UBE2K: variants seen among roughly 807,000 people sequenced by gnomAD.
UBE2K encodes the protein ubiquitin conjugating enzyme E2 K.
UBE2K carries 6 observed loss-of-function variants against 30.0 expected under a neutral mutation model. The observed-to-expected ratio is 0.20, with a 90% confidence interval of 0.11 to 0.39. UBE2K has a LOEUF of 0.39. Among genes scored for constraint, UBE2K ranks in the 10% least tolerant of loss-of-function variants. UBE2K has a pLI of 1.00. For missense variants in UBE2K, 61 were observed against 241.6 expected, an observed-to-expected ratio of 0.25 and a Z score of 4.96; for synonymous variants, 86 against 83.7, an observed-to-expected ratio of 1.03 and a Z score of -0.15.
intron 4 of UBE2K, among the ~76,000 whole-genome samples, chr4:39,771,713 T>C (rs1019589836): frequency 1.3e-5 from 2 of 152,128 alleles, no homozygotes; most frequent in African/African-American, 4.8e-5. Flanking sequence ...CCCTGGAGTT[T>C]CTGATTCAGT....
chr4:39,770,468 CTTTA>C (rs1712715622), intron 4 of UBE2K: 1 of 1,611,182 alleles, frequency 6.2e-7, no homozygotes, highest in South Asian at 1.1e-5. Context: ...ACTTGATGTT[CTTTA>C]AGGGGTTTCC....
At position 39,773,348 on chromosome 4, in the gene UBE2K, G is replaced by A. The variant is rs375896252; in HGVS notation, c.300-1486G>A. 2.2e-4 allele frequency among the ~76,000 whole-genome samples: 34 copies of A among 151,958 alleles called. 1 individual carries two copies. In the East Asian group the frequency reaches 6.7e-3, roughly 30 times the overall value. On this transcript the variant is annotated intron_variant, in intron 4 of 6. Coordinates refer to ENST00000261427, the MANE Select transcript of UBE2K (RefSeq NM_005339.5). ...CCGGGCATGGTGGCATGTGCCTGTA[G>A]TCCCAGCTACTTGTGAGGCTGAGGC... is the stretch of plus-strand genomic sequence containing the variant.
chr4:39,772,263 T>A (rs937447505), intron 4 of UBE2K, among the ~76,000 whole-genome samples: 2 of 152,086 alleles, frequency 1.3e-5, no homozygotes, highest in Non-Finnish European at 2.9e-5. Flanking sequence ...TGAAAAAGGC[T>A]GGTTTAGAGT....
intron 4 of UBE2K, among the ~76,000 whole-genome samples, chr4:39,765,907 A>G (rs961355652): frequency 1.6e-5 from 2 of 123,826 alleles, no homozygotes; most frequent in African/African-American, 6.8e-5. Flanking sequence ...CAGGATATAT[A>G]TATACATACA....
intron 1 of UBE2K, among the ~76,000 whole-genome samples, chr4:39,704,188 C>T (rs1008994118): frequency 4.0e-5 from 6 of 151,588 alleles, no homozygotes; most frequent in African/African-American, 1.2e-4. Flanking sequence ...TCTGGGAGGT[C>T]GAGGCTGCAG....
chr4:39,720,822 TA>T (rs752336255), intron 1 of UBE2K, among the ~76,000 whole-genome samples: 2 of 151,922 alleles, frequency 1.3e-5, no homozygotes, highest in African/African-American at 2.4e-5. Context: ...TAGCTCACTG[TA>T]ACCCTGAACT....
At chr4:39,707,509 G>A (rs887275182) in intron 1 of UBE2K, among the ~76,000 whole-genome samples, 2 of 150,066 alleles carry the variant, frequency 1.3e-5, no homozygotes, top group South Asian at 2.1e-4. Context: ...CTGTATGACT[G>A]TATGAGGGAG....
intron 1 of UBE2K, among the ~76,000 whole-genome samples, chr4:39,728,973 C>T (rs1208620366): frequency 7.3e-6 from 1 of 137,540 alleles, no homozygotes; most frequent in Admixed American, 7.3e-5. Flanking sequence ...AGCCCCCCAC[C>T]TTTTTTTTTT....
chr4:39,767,640 A>C (rs7687557), intron 4 of UBE2K, among the ~76,000 whole-genome samples: 78,049 of 152,004 alleles, frequency 0.51, 20,692 homozygotes, highest in East Asian at 0.64. Flanking sequence ...ATCAGTTTTC[A>C]AGAAAAGTGT....
At chr4:39,773,598 T>C (rs898373747) in intron 4 of UBE2K, among the ~76,000 whole-genome samples, 3 of 151,932 alleles carry the variant, frequency 2.0e-5, no homozygotes, top group African/African-American at 7.3e-5. Flanking sequence ...TTTAGAGAAA[T>C]GGATAGAAAA....
At chr4:39,754,900 G>A (rs1217478033) in intron 3 of UBE2K, among the ~76,000 whole-genome samples, 1 of 152,174 alleles carries the variant, frequency 6.6e-6, no homozygotes, top group African/African-American at 2.4e-5. Flanking sequence ...GTCAGAGATA[G>A]GAATACAAGA....
At chr4:39,762,690 A>G (rs1020685513) in intron 4 of UBE2K, among the ~76,000 whole-genome samples, 8 of 152,222 alleles carry the variant, frequency 5.3e-5, no homozygotes, top group Non-Finnish European at 1.2e-4. Flanking sequence ...GCTGGTGTGC[A>G]ATGGCACAAT....
chr4:39,740,236 G>T (rs1442146469), intron 2 of UBE2K, among the ~76,000 whole-genome samples: 1 of 151,950 alleles, frequency 6.6e-6, no homozygotes, highest in Non-Finnish European at 1.5e-5. Flanking sequence ...CATTATTCTA[G>T]AGGTCTGTCA....
intron 3 of UBE2K, among the ~76,000 whole-genome samples, chr4:39,748,334 T>C (rs1017979943): frequency 1.2e-4 from 18 of 152,150 alleles, no homozygotes; most frequent in African/African-American, 3.9e-4. Flanking sequence ...GGTCAAGTGA[T>C]CCCTCCACCT....
intron 2 of UBE2K, among the ~76,000 whole-genome samples, chr4:39,738,991 C>A (rs1216173977): frequency 6.7e-6 from 1 of 150,004 alleles, no homozygotes; most frequent in Non-Finnish European, 1.5e-5. Context: ...TAAATACTTT[C>A]GAGTGGTTCT....
chr4:39,722,995 A>T (rs1719514001), intron 1 of UBE2K, among the ~76,000 whole-genome samples: 1 of 151,676 alleles, frequency 6.6e-6, no homozygotes, highest in Non-Finnish European at 1.5e-5. Context: ...CATGTTGGCC[A>T]GGCTGGTCTC....
Position 39,702,931 on chromosome 4 carries a change from C to G in UBE2K, c.63+4541C>G, listed in dbSNP as rs1226101945. On this transcript the variant is annotated intron_variant, in intron 1 of 6. Coordinates refer to ENST00000261427, the MANE Select transcript of UBE2K (RefSeq NM_005339.5). ...GAGCCCCAGCGCATGTCCCCACTAT[C>G]TCTTCTTGCTGGATGCATCAACTAA... Among the ~76,000 whole-genome samples, 3 of 152,066 alleles carry G rather than the reference C, an allele frequency of 2.0e-5. 1 individual carries two copies. Among genetic ancestry groups the G allele is most frequent in the Non-Finnish European group, 1.5e-5 (1 of 67,970 alleles).
chr4:39,740,531 ACT>A (rs1720639840), intron 2 of UBE2K, among the ~76,000 whole-genome samples: 1 of 149,094 alleles, frequency 6.7e-6, no homozygotes, highest in South Asian at 2.1e-4. Context: ...CGACAGCGAG[ACT>A]CTGTCCCAAA....
Position 39,748,059 on chromosome 4 carries a change from G to A in UBE2K, c.216+2249G>A, listed in dbSNP as rs959342419. 5.9e-5 allele frequency among the ~76,000 whole-genome samples: 9 copies of A among 152,262 alleles called. No homozygotes were observed. The East Asian group carries it at 1.7e-3, about 29-fold the overall frequency. The stretch of plus-strand genomic sequence containing the variant: ...CCATCTGAAAAAAAGAAAAGAAAAG[G>A]AAGTCATACACATTAAGTGGGTGAA... On this transcript the variant is annotated intron_variant, in intron 3 of 6. Coordinates refer to ENST00000261427, the MANE Select transcript of UBE2K (RefSeq NM_005339.5).
Sources: allele counts gnomAD v4.1 joint callset (sites outside exome capture counted in the v4.1 genomes callset), GRCh38; gene constraint gnomAD v4.1.1; transcripts MANE v1.5; gene names NCBI Gene and HGNC (gene_info 2026-07-23, HGNC 2026-07-21).